The following TBL1XR1 variants were observed in gnomAD, a reference collection of about 807,000 sequenced individuals.
The protein encoded by TBL1XR1 is TBL1X/Y related 1, also known as F-box-like/WD repeat-containing protein TBL1XR1.
Under a neutral mutation model 66.9 loss-of-function variants are expected in TBL1XR1, and 5 were observed. The observed-to-expected ratio is 0.07, with a 90% CI of 0.04 to 0.16. The LOEUF (loss-of-function observed/expected upper bound fraction) is 0.16. Among genes scored for constraint, TBL1XR1 ranks in the 10% least tolerant of loss-of-function variants. TBL1XR1 has a pLI of 1.00. For synonymous variants in TBL1XR1, 210 were observed against 206.0 expected (o/e 1.02, Z -0.17); for missense variants, 238 against 623.2 (o/e 0.38, Z 6.58).
intron 2 of TBL1XR1, among the ~76,000 whole-genome samples, chr3:177,066,250 T>C (rs73187506): frequency 0.069 from 10,438 of 152,184 alleles, 480 homozygotes; most frequent in Admixed American, 0.14. Context: ...GGTGACTAAG[T>C]ACCACCCATC....
chr3:177,139,727 C>T (rs1000647009), intron 1 of TBL1XR1, among the ~76,000 whole-genome samples: 3 of 150,274 alleles, frequency 2.0e-5, no homozygotes, highest in Admixed American at 6.6e-5. Context: ...TTACTTACAA[C>T]GTAAGACATG....
rs1178962901 is a variant in TBL1XR1 at position 177,112,809 on chromosome 3, C to G, written c.-121-14268G>C. ...CACGAAGTCAGGAGTTCGAAACCAG[C>G]CTGGCCAACATGGTGAAACCCCGTC... On this transcript the variant is annotated intron_variant, in intron 1 of 15. Coordinates refer to ENST00000457928, the MANE Select transcript of TBL1XR1 (RefSeq NM_024665.7). 3.3e-5 allele frequency among the ~76,000 whole-genome samples: 5 copies of G among 152,124 alleles called. No homozygotes were observed. The East Asian group carries it at 9.7e-4, about 29-fold the overall frequency.
rs189446640 is a variant in TBL1XR1, at chr3:177,045,796, G to A, written c.925+333C>T. Among the ~76,000 whole-genome samples the A allele has an allele frequency of 2.9e-4, 44 of 152,188 alleles. 1 individual carries two copies. Among genetic ancestry groups the A allele is most frequent in the East Asian group, 1.2e-3 (6 of 5,182 alleles). On this transcript the variant is annotated intron_variant, in intron 10 of 15. Transcript: ENST00000457928. ...AAAAGGAGGCTCAGAAAGGTTAAGT[G>A]ACTTGCTCAGTCTTAATAATGCTTC...
At chr3:177,089,405 G>A (rs1040839308) in intron 2 of TBL1XR1, among the ~76,000 whole-genome samples, 17 of 152,126 alleles carry the variant, frequency 1.1e-4, no homozygotes, top group African/African-American at 3.9e-4. Context: ...GGGGGTTAGT[G>A]GACAAATTAC....
intron 1 of TBL1XR1, among the ~76,000 whole-genome samples, chr3:177,152,673 A>T (rs1412706875): frequency 6.6e-6 from 1 of 152,134 alleles, no homozygotes; most frequent in East Asian, 1.9e-4. Context: ...CCTAGGTTCT[A>T]TATATCTCTA....
rs908114215 is a variant in TBL1XR1 at position 177,047,726 on chromosome 3, G to C, written c.703-177C>G. The C allele has an allele frequency of 7.1e-5, 44 of 621,844 alleles. 1 individual carries two copies. The African/African-American group carries it at 7.6e-4, about 11-fold the overall frequency. The allele number at this position is 621,844 out of a possible 1,614,324, so 38.5% of individuals were successfully genotyped here. ...TAAAGGCCTATGAAACCCTTCCACT[G>C]TGTGACACTAATGTTGTATGGGGGC... On this transcript the variant is annotated intron_variant, in intron 7 of 15. Transcript: ENST00000457928.
At chr3:177,150,937 G>A (rs1424651720) in intron 1 of TBL1XR1, among the ~76,000 whole-genome samples, 2 of 152,218 alleles carry the variant, frequency 1.3e-5, no homozygotes, top group Non-Finnish European at 2.9e-5. Context: ...GTATTGGAAG[G>A]TGAGTTGTTC....
chr3:177,030,303 G>T (rs950068222), intron 14 of TBL1XR1, among the ~76,000 whole-genome samples: 4 of 151,222 alleles, frequency 2.6e-5, no homozygotes, highest in African/African-American at 9.7e-5. Context: ...TATTATTAAT[G>T]AATATATTAA....
At chr3:177,103,339 T>G (rs997413616) in intron 1 of TBL1XR1, among the ~76,000 whole-genome samples, 1 of 152,240 alleles carries the variant, frequency 6.6e-6, no homozygotes, top group Non-Finnish European at 1.5e-5. Flanking sequence ...TATATTTACT[T>G]CTTGTAATAA....
intron 2 of TBL1XR1, among the ~76,000 whole-genome samples, chr3:177,088,584 C>T (rs967134193): frequency 2.6e-5 from 4 of 152,118 alleles, no homozygotes; most frequent in Non-Finnish European, 4.4e-5. Context: ...CTGCCTTTCA[C>T]GTGATACTAC....
At chr3:177,160,813 T>C (rs1732101338) in intron 1 of TBL1XR1, 2 of 152,040 alleles carry the variant, frequency 1.3e-5, no homozygotes, top group Admixed American at 6.6e-5. Context: ...CTGGCCAACA[T>C]GGTGACACCA....
intron 1 of TBL1XR1, among the ~76,000 whole-genome samples, chr3:177,190,987 G>A (rs1222444045): frequency 6.6e-6 from 1 of 152,166 alleles, no homozygotes; most frequent in Admixed American, 6.6e-5. Flanking sequence ...AGTCAGGATG[G>A]CCAGAAAAGG....
At chr3:177,124,698 C>G in intron 1 of TBL1XR1, among the ~76,000 whole-genome samples, 1 of 152,186 alleles carries the variant, frequency 6.6e-6, no homozygotes, top group Non-Finnish European at 1.5e-5. Context: ...GCTTAACTCA[C>G]GGCATCTTTT....
At chr3:177,132,448 G>A (rs1728418927) in intron 1 of TBL1XR1, among the ~76,000 whole-genome samples, 1 of 152,168 alleles carries the variant, frequency 6.6e-6, no homozygotes, top group South Asian at 2.1e-4. Context: ...TCGTTTTTCA[G>A]CAATAAACCA....
At chr3:177,030,130 A>G (rs535011685) in intron 14 of TBL1XR1, among the ~76,000 whole-genome samples, 2 of 143,678 alleles carry the variant, frequency 1.4e-5, no homozygotes, top group East Asian at 5.1e-4. Context: ...GTATATATAT[A>G]TAGAGAGAGA....
At chr3:177,164,719 G>A (rs1381779063) in intron 1 of TBL1XR1, among the ~76,000 whole-genome samples, 3 of 152,142 alleles carry the variant, frequency 2.0e-5, no homozygotes, top group East Asian at 3.8e-4. Flanking sequence ...TCATGTTCAC[G>A]AACTGAAAGA....
upstream of TBL1XR1, among the ~76,000 whole-genome samples, chr3:177,198,683 A>G (rs1159948820): frequency 3.9e-5 from 6 of 152,214 alleles, no homozygotes; most frequent in Non-Finnish European, 7.3e-5. Context: ...ACATTAAGAT[A>G]CGACTTGAAA....
chr3:177,103,047 A>G (rs1206899778), intron 1 of TBL1XR1, among the ~76,000 whole-genome samples: 1 of 152,242 alleles, frequency 6.6e-6, no homozygotes, highest in African/African-American at 2.4e-5. Flanking sequence ...GTTAGTGTCT[A>G]GATATAGAGA....
At chr3:177,102,891 C>T (rs1008427553) in intron 1 of TBL1XR1, among the ~76,000 whole-genome samples, 2 of 152,152 alleles carry the variant, frequency 1.3e-5, no homozygotes, top group South Asian at 2.1e-4. Flanking sequence ...TTTCCACAAC[C>T]GCATAGTGCC....
Sources: gnomAD v4.1 joint callset for allele counts (sites outside exome capture counted in the v4.1 genomes callset) on GRCh38, gnomAD v4.1.1 for gene constraint, MANE v1.5 for transcripts, NCBI Gene and HGNC (gene_info 2026-07-23, HGNC 2026-07-21) for gene names.